The following MEIOB variants were observed in gnomAD, a reference collection of about 807,000 sequenced individuals.
MEIOB encodes the protein meiosis specific with OB-fold.
In MEIOB, 50 loss-of-function variants were observed where a neutral mutation model predicts 53.1. That is an observed-to-expected ratio of 0.94 (90% CI 0.75 to 1.19). The LOEUF (loss-of-function observed/expected upper bound fraction) is 1.19, where lower values mean the gene tolerates loss of function less well. Among genes scored for constraint, MEIOB ranks in the 50% most tolerant of loss-of-function variants. The pLI is 0.00. For synonymous variants in MEIOB, 192 were observed against 182.5 expected (o/e 1.05, Z -0.42); for missense variants, 551 against 550.8 (o/e 1.00, Z 0.00).
chr16:1,856,880 C>G (rs2815298), intron 6 of MEIOB, among the ~76,000 whole-genome samples: 3,293 of 150,892 alleles, frequency 0.022, 113 homozygotes, highest in East Asian at 0.11. Context: ...CCTCCCACTT[C>G]AGCCTCCCAA....
At chr16:1,840,200 G>GA (rs1297559842) in intron 11 of MEIOB, 2 of 151,912 alleles carry the variant, frequency 1.3e-5, no homozygotes, top group Non-Finnish European at 2.9e-5. Context: ...AAATGTACAG[G>GA]AAAAAAATTA....
intron 9 of MEIOB, among the ~76,000 whole-genome samples, chr16:1,851,743 T>C (rs1219853467): frequency 6.6e-6 from 1 of 152,138 alleles, no homozygotes; most frequent in Middle Eastern, 3.2e-3. Context: ...CTGATAATGG[T>C]TTGGTCAAAA....
chr16:1,838,097 A>G (rs1207652607), intron 12 of MEIOB: 1 of 711,350 alleles, frequency 1.4e-6, no homozygotes, highest in Admixed American at 2.8e-5. Flanking sequence ...CCCGGGGTCA[A>G]GCAATCCTCC....
At chr16:1,861,390 T>C (rs1899437460) in intron 4 of MEIOB, among the ~76,000 whole-genome samples, 1 of 152,172 alleles carries the variant, frequency 6.6e-6, no homozygotes, top group Admixed American at 6.5e-5. Context: ...TATATGTCTA[T>C]AGAAAGATAA....
At chr16:1,861,889 CTG>C in intron 4 of MEIOB, 94 bp downstream of exon 4, 2 of 1,235,552 alleles carry the variant, frequency 1.6e-6, no homozygotes, top group Non-Finnish European at 2.2e-6. Flanking sequence ...GAATTACGAA[CTG>C]TGTCTCATTT....
chr16:1,853,825 C>A (rs1476996234), intron 7 of MEIOB, among the ~76,000 whole-genome samples: 3 of 152,054 alleles, frequency 2.0e-5, no homozygotes, highest in Non-Finnish European at 2.9e-5. Context: ...TTCCATGGGA[C>A]CTAATAAAAC....
At chr16:1,851,870 GGATT>G (rs1286319105) in intron 9 of MEIOB, among the ~76,000 whole-genome samples, 1 of 152,154 alleles carries the variant, frequency 6.6e-6, no homozygotes, top group African/African-American at 2.4e-5. Context: ...AGATGGCAAA[GGATT>G]GATTACTCCA....
intron 13 of MEIOB, among the ~76,000 whole-genome samples, chr16:1,835,603 C>T (rs576397446): frequency 3.3e-5 from 5 of 152,288 alleles, no homozygotes; most frequent in African/African-American, 1.2e-4. Context: ...GGTAGTCTGA[C>T]ATTGGCTAGA....
At chr16:1,834,413 C>T in intron 13 of MEIOB, 47 bp from the exon 14 acceptor site, 1 of 1,004,500 alleles carries the variant, frequency 1.0e-6, no homozygotes, top group South Asian at 1.4e-5. Flanking sequence ...TTTTTAAAAT[C>T]CCCTTGTATA....
intron 12 of MEIOB, among the ~76,000 whole-genome samples, chr16:1,838,979 A>G (rs56057739): frequency 0.18 from 26,997 of 152,144 alleles, 2,529 homozygotes; most frequent in South Asian, 0.27. Flanking sequence ...GGCGTGAGCC[A>G]CGGTGCCCAG....
At chr16:1,864,763 C>T (rs2437739) in intron 3 of MEIOB, among the ~76,000 whole-genome samples, 125,203 of 151,760 alleles carry the variant, frequency 0.83, 51,766 homozygotes, top group Middle Eastern at 0.9. Flanking sequence ...GCTGGGATTA[C>T]AGGCGTGACC....
At chr16:1,842,157 G>A (rs944426220) in intron 10 of MEIOB, among the ~76,000 whole-genome samples, 184 bp from the exon 11 acceptor site, 1 of 151,972 alleles carries the variant, frequency 6.6e-6, no homozygotes, top group South Asian at 2.1e-4. Flanking sequence ...AGGAAAAAAA[G>A]GAAATGAAAT....
chr16:1,870,026 C>T (rs975415087), intron 1 of MEIOB, among the ~76,000 whole-genome samples: 1 of 151,844 alleles, frequency 6.6e-6, no homozygotes, highest in African/African-American at 2.4e-5. Flanking sequence ...CATGTGTCAC[C>T]TCACCCAGCT....
At chr16:1,854,007 T>C in intron 7 of MEIOB, 93 bp downstream of exon 7, 2 of 731,968 alleles carry the variant, frequency 2.7e-6, no homozygotes, top group Non-Finnish European at 2.4e-6. Flanking sequence ...TTATCCTCTC[T>C]TGATATGAAG....
chr16:1,834,440 A>G, intron 13 of MEIOB, 74 bp from the exon 14 acceptor site: 1 of 778,308 alleles, frequency 1.3e-6, no homozygotes, highest in Non-Finnish European at 2.2e-6. Flanking sequence ...TGAAAAATCA[A>G]TGATCACGAA....
Position 1,868,142 on chromosome 16 carries a change from T to C in MEIOB, c.34A>G (p.Thr12Ala), listed in dbSNP as rs377362979. The part of the protein sequence containing the change: ...ANSFAARIFT[T>A]LSDLQTNMAN... ...ATATTTGTCTGCAGATCTGAAAGGGTAGTGAAAATCCTCGCTGCAAAGGAG... is the reference window on the plus strand; with the variant it reads ...ATATTTGTCTGCAGATCTGAAAGGGCAGTGAAAATCCTCGCTGCAAAGGAG... Residue 12 changes from threonine to alanine, a missense_variant, in exon 2 of 14, where the codon ACC becomes GCC. Transcript: ENST00000325962. The C allele has an allele frequency of 2.8e-4, 424 of 1,534,828 alleles. No homozygotes were observed. In the African/African-American group the frequency reaches 4.7e-3, roughly 17 times the overall value.
intron 3 of MEIOB, among the ~76,000 whole-genome samples, chr16:1,865,570 T>C (rs1899572099): frequency 1.3e-5 from 2 of 151,868 alleles, no homozygotes; most frequent in South Asian, 4.1e-4. Context: ...TGTGTGTATG[T>C]ATACATATAT....
chr16:1,865,846 A>T lies in MEIOB; in HGVS notation c.70-11T>A, dbSNP rs1288652971. On this transcript the variant is annotated splice_polypyrimidine_tract_variant and intron_variant, in intron 2 of 13. Transcript: ENST00000325962. Reference sequence around the variant, plus strand: ...TATACCGATAACTTTCTGAAAAACAAAAAGGTCACAGAAGACCAATATTAA... The same window carrying T: ...TATACCGATAACTTTCTGAAAAACATAAAGGTCACAGAAGACCAATATTAA... The T allele has an allele frequency of 1.3e-6, 2 of 1,539,104 alleles. No individual in the cohort carries two copies. The highest frequency in any genetic ancestry group is 1.4e-5 in the African/African-American group (1 of 72,500).
chr16:1,844,866 T>G lies in MEIOB; in HGVS notation c.876A>C (p.Ile292=). ...DEIDSYFKES[I]NLSTIVDVYT... ...TATATTTAAACGGTCACTTACAATTTATGGATTCTTTGAAATAACTGTCAA... is the reference window on the plus strand; with the variant it reads ...TATATTTAAACGGTCACTTACAATTGATGGATTCTTTGAAATAACTGTCAA... The change falls in exon 10 of 14, where the codon ATA becomes ATC. Residue 292 remains isoleucine (I), a synonymous_variant. Transcript: ENST00000325962. 6.6e-7 allele frequency: 1 copy of G among 1,514,578 alleles called. No homozygotes were observed. The highest frequency in any genetic ancestry group is 9.1e-7 in the Non-Finnish European group (1 of 1,099,138). 93.8% of individuals were successfully genotyped at this position (1,514,578 alleles called of 1,614,324 possible). A position where few individuals can be genotyped will look rare whatever the true frequency, so the allele number is the denominator to read the frequency against.
Sources: gnomAD v4.1 joint callset for allele counts (sites outside exome capture counted in the v4.1 genomes callset) on GRCh38, gnomAD v4.1.1 for gene constraint, MANE v1.5 for transcripts, NCBI Gene and HGNC (gene_info 2026-07-23, HGNC 2026-07-21) for gene names.